The following PKD1L3 variants were observed in gnomAD, a reference collection of about 807,000 sequenced individuals.
The protein encoded by PKD1L3 is polycystin 1 like 3, transient receptor potential channel interacting.
In PKD1L3, 239 loss-of-function variants were observed where a neutral mutation model predicts 184.1. The ratio of observed to expected loss-of-function variants is 1.30; its 90% CI spans 1.17 to 1.45. The LOEUF is 1.45. Ranked by LOEUF, PKD1L3 falls within the 40% of genes most tolerant of loss-of-function variation. The pLI is 0.00. For synonymous variants in PKD1L3, 996 were observed against 778.8 expected, an observed-to-expected ratio of 1.28 and a Z score of -4.64; for missense variants, 2,660 against 2,067.2, an observed-to-expected ratio of 1.29 and a Z score of -5.56.
intron 28 of PKD1L3, 52 bp from the exon 29 acceptor site, chr16:71,930,235 T>A: frequency 6.7e-7 from 1 of 1,485,932 alleles, no homozygotes; most frequent in Non-Finnish European, 9.0e-7. Context: ...GTTTATACTT[T>A]ACAAACATAA....
intron 15 of PKD1L3, among the ~76,000 whole-genome samples, chr16:71,965,297 G>C (rs2039459707): frequency 6.6e-6 from 1 of 152,170 alleles, no homozygotes; most frequent in Admixed American, 6.5e-5. Flanking sequence ...ATAGACATTT[G>C]TGATGTTTTC....
Position 71,982,121 on chromosome 16 carries a change from G to C in PKD1L3, c.1081C>G (p.Leu361Val). 1 of 1,551,876 alleles carries C rather than the reference G, an allele frequency of 6.4e-7. No homozygotes were observed. The highest frequency in any genetic ancestry group is 8.7e-7 in the Non-Finnish European group (1 of 1,147,024). ...VPPTVCPFHSLNNVTKAGEGS... is the reference protein window; with the variant it reads ...VPPTVCPFHSVNNVTKAGEGS... ...TCTCCAGCTTTGGTGACATTGTTGA[G>C]GGAATGAAAGGGGCAGACAGTTGGA... is the stretch of plus-strand genomic sequence containing the variant. Residue 361 changes from leucine to valine, a missense_variant, in exon 7 of 30, where the codon CTC (leucine) becomes GTC (valine). Physicochemically the swap from Leu to Val is conservative, Grantham distance 32 (BLOSUM62 1). Transcript: ENST00000620267.
chr16:71,979,030 A>T (rs2040045486), intron 9 of PKD1L3, among the ~76,000 whole-genome samples: 2 of 152,222 alleles, frequency 1.3e-5, no homozygotes, highest in Admixed American at 6.5e-5. Context: ...TCTGCTCTTC[A>T]GGATAAGGCA....
chr16:71,947,463 T>G (rs1192133251), intron 22 of PKD1L3, 29 bp downstream of exon 22: 5 of 1,450,030 alleles, frequency 3.4e-6, no homozygotes, highest in Non-Finnish European at 4.7e-6. Context: ...TTTGCAAAAT[T>G]AGGTAGTTGT....
Position 71,990,256 on chromosome 16 carries a change from T to C in PKD1L3, c.585+24A>G, listed in dbSNP as rs116282464. ...ACAAAGAGATCAACATTTCACAATG[T>C]ATGTTGTCAAGGGAAGCACTTACAA... On this transcript the variant is annotated intron_variant, in intron 4 of 29. Transcript: ENST00000620267. 1.5e-3 allele frequency: 2,262 copies of C among 1,516,272 alleles called. 34 individuals are homozygous for C. The African/African-American group carries it at 0.026, about 17-fold the overall frequency. The allele number at this position is 1,516,272 out of a possible 1,614,324, so 93.9% of individuals were successfully genotyped here. A position where few individuals can be genotyped will look rare whatever the true frequency, so the allele number is the denominator to read the frequency against.
chr16:71,956,482 C>T (rs886940260), intron 16 of PKD1L3, among the ~76,000 whole-genome samples: 5 of 152,046 alleles, frequency 3.3e-5, no homozygotes, highest in South Asian at 2.1e-4. Flanking sequence ...TGTGAGCCAC[C>T]GCACCCGGCC....
chr16:71,959,716 T>C (rs1048802045), intron 16 of PKD1L3, among the ~76,000 whole-genome samples: 3 of 151,304 alleles, frequency 2.0e-5, no homozygotes, highest in African/African-American at 7.3e-5. Flanking sequence ...AAGTAACCAA[T>C]AAAAAGAATT....
In PKD1L3 at chr16:71,937,474, T is replaced by C. The variant is rs1369778640; in HGVS notation, c.4325-55A>G. On this transcript the variant is annotated intron_variant, in intron 24 of 29. Transcript: ENST00000620267. ...AGAGTCTAAAACTTTTGCCCTCTTC[T>C]TGTTAAACTTTGTCTTTGAATAACC... 32 of 1,522,376 alleles carry C rather than the reference T, an allele frequency of 2.1e-5. No homozygotes were observed. The South Asian group carries it at 3.7e-4, about 17-fold the overall frequency. The allele number at this position is 1,522,376 out of a possible 1,614,324, so 94.3% of individuals were successfully genotyped here.
Position 71,994,554 on chromosome 16 carries a change from T to TA in PKD1L3, c.419-1223dup, listed in dbSNP as rs570206025. Among the ~76,000 whole-genome samples, 46 of 152,086 alleles carry TA rather than the reference T, an allele frequency of 3.0e-4. No individual in the cohort carries two copies. The South Asian group carries it at 6.9e-3, about 23-fold the overall frequency. ...TTCCTGCATGCTATTTCTTCTGCCT[T>TA]AAAAAAAACCCAGCAACTTATATTG... is the stretch of plus-strand genomic sequence containing the variant. On this transcript the variant is annotated intron_variant, in intron 2 of 29. Coordinates refer to ENST00000620267, the MANE Select transcript of PKD1L3 (RefSeq NM_181536.2).
intron 6 of PKD1L3, among the ~76,000 whole-genome samples, chr16:71,982,853 C>A (rs895573419): frequency 6.6e-6 from 1 of 152,068 alleles, no homozygotes; most frequent in Admixed American, 6.6e-5. Context: ...CTTGGCCTCC[C>A]AAAGTGTTTA....
intron 15 of PKD1L3, among the ~76,000 whole-genome samples, chr16:71,964,039 C>T (rs1460202300): frequency 6.6e-6 from 1 of 152,154 alleles, no homozygotes; most frequent in Non-Finnish European, 1.5e-5. Flanking sequence ...TCTCACTCTA[C>T]TTAGTCTCAT....
Position 71,933,522 on chromosome 16 carries a change from C to G in PKD1L3, c.4825-1G>C, listed in dbSNP as rs1470952976. ...TGCTGCATCCAAACAGCAGGTTAAACTGAACAGAAGGAGAAAGGCCAGTTA... is the reference window on the plus strand; with the variant it reads ...TGCTGCATCCAAACAGCAGGTTAAAGTGAACAGAAGGAGAAAGGCCAGTTA... On this transcript the variant is annotated splice_acceptor_variant, in intron 27 of 29. Coordinates refer to ENST00000620267, the MANE Select transcript of PKD1L3 (RefSeq NM_181536.2). LOFTEE classifies it high-confidence loss of function. 1 of 1,548,802 alleles carries G rather than the reference C, an allele frequency of 6.5e-7. No homozygotes were observed. The highest frequency in any genetic ancestry group is 8.7e-7 in the Non-Finnish European group (1 of 1,144,130).
chr16:71,987,145 G>C (rs751454059), intron 4 of PKD1L3, among the ~76,000 whole-genome samples: 5 of 150,742 alleles, frequency 3.3e-5, no homozygotes, highest in Non-Finnish European at 7.4e-5. Context: ...GGATGGTCTC[G>C]ATCTCCTGAC....
chr16:71,951,188 C>T (rs533088989), intron 19 of PKD1L3, among the ~76,000 whole-genome samples: 3 of 152,086 alleles, frequency 2.0e-5, no homozygotes, highest in East Asian at 1.9e-4. Context: ...TACAGGCGCC[C>T]GCCACTACAC....
intron 16 of PKD1L3, among the ~76,000 whole-genome samples, chr16:71,958,370 G>C (rs577963043): frequency 1.5e-5 from 2 of 133,134 alleles, no homozygotes; most frequent in East Asian, 4.4e-4. Context: ...CTGGGCGACA[G>C]AGCGAGACTC....
At chr16:71,968,285 CTTAGGT>C (rs1348350792) in intron 13 of PKD1L3, among the ~76,000 whole-genome samples, 6 of 152,218 alleles carry the variant, frequency 3.9e-5, no homozygotes, top group Non-Finnish European at 7.3e-5. Flanking sequence ...CTCCTTCCCA[CTTAGGT>C]ACAGTCACCA....
chr16:71,947,156 C>T (rs374370575), intron 22 of PKD1L3, among the ~76,000 whole-genome samples: 4 of 152,024 alleles, frequency 2.6e-5, no homozygotes, highest in Non-Finnish European at 4.4e-5. Context: ...TACTCGGAGG[C>T]TGAGACAGGA....
chr16:71,944,284 A>C (rs2038474353), intron 22 of PKD1L3, 114 bp from the exon 23 acceptor site: 5 of 1,024,130 alleles, frequency 4.9e-6, no homozygotes, highest in South Asian at 1.5e-5. Flanking sequence ...ACAAGGAATA[A>C]AACTACCTAT....
intron 11 of PKD1L3, among the ~76,000 whole-genome samples, chr16:71,976,213 G>T (rs532500704): frequency 2.0e-5 from 3 of 150,168 alleles, no homozygotes; most frequent in African/African-American, 7.3e-5. Context: ...CTCCCAAAGT[G>T]CTAGGATTAC....
Sources: allele counts gnomAD v4.1 joint callset (sites outside exome capture counted in the v4.1 genomes callset), GRCh38; gene constraint gnomAD v4.1.1; transcripts MANE v1.5; gene names NCBI Gene and HGNC (gene_info 2026-07-23, HGNC 2026-07-21).